The following RAB3GAP1 variants were observed in gnomAD, a reference collection of about 807,000 sequenced individuals.
The protein encoded by RAB3GAP1 is RAB3 GTPase activating protein catalytic subunit 1.
A neutral mutation model predicts 130.7 loss-of-function variants in RAB3GAP1; 86 were observed. The ratio of observed to expected loss-of-function variants is 0.66; its 90% confidence interval spans 0.55 to 0.79. The LOEUF (loss-of-function observed/expected upper bound fraction) is 0.79. RAB3GAP1 is among the 30% of genes least tolerant of loss of function. RAB3GAP1 has a pLI of 0.00. For synonymous variants in RAB3GAP1, 367 were observed against 401.7 expected, an observed-to-expected ratio of 0.91 and a Z score of 1.03; for missense variants, 1,029 against 1,169.4, an observed-to-expected ratio of 0.88 and a Z score of 1.75.
intron 17 of RAB3GAP1, among the ~76,000 whole-genome samples, chr2:135,142,885 TA>T (rs1691883627): frequency 6.6e-6 from 1 of 151,254 alleles, no homozygotes; most frequent in Non-Finnish European, 1.5e-5. Context: ...AGCTGGAGTT[TA>T]TTTTTTTTTT....
intron 3 of RAB3GAP1, among the ~76,000 whole-genome samples, chr2:135,081,986 AC>A (rs1242519825): frequency 6.6e-6 from 1 of 151,992 alleles, no homozygotes; most frequent in Non-Finnish European, 1.5e-5. Context: ...TACTAAAAAT[AC>A]AAAAATTAGC....
intron 5 of RAB3GAP1, among the ~76,000 whole-genome samples, chr2:135,102,073 A>G (rs1442581754): frequency 6.6e-6 from 1 of 152,258 alleles, no homozygotes; most frequent in Non-Finnish European, 1.5e-5. Flanking sequence ...AGAGGAATTA[A>G]GGGAGCATTA....
chr2:135,091,891 G>A (rs1344799062), intron 4 of RAB3GAP1, among the ~76,000 whole-genome samples: 5 of 152,168 alleles, frequency 3.3e-5, no homozygotes, highest in African/African-American at 4.8e-5. Context: ...CTTTGGAGCT[G>A]CCAGTCAAAT....
intron 4 of RAB3GAP1, among the ~76,000 whole-genome samples, 162 bp downstream of exon 4, chr2:135,091,292 T>C (rs1293022775): frequency 2.6e-5 from 4 of 152,294 alleles, no homozygotes; most frequent in African/African-American, 9.6e-5. Context: ...AATTACATTG[T>C]CATTCATTTT....
intron 10 of RAB3GAP1, 59 bp downstream of exon 10, chr2:135,126,308 C>G (rs905293458): frequency 2.3e-6 from 3 of 1,277,518 alleles, no homozygotes; most frequent in Admixed American, 1.9e-5. Context: ...GAATAACTCT[C>G]AAATTGCTAG....
intron 3 of RAB3GAP1, among the ~76,000 whole-genome samples, chr2:135,087,865 A>G (rs1690030835): frequency 6.6e-6 from 1 of 152,168 alleles, no homozygotes; most frequent in African/African-American, 2.4e-5. Context: ...TCTGGTTAGG[A>G]TCCTCAAAGG....
At position 135,081,351 on chromosome 2, in the gene RAB3GAP1, TATATATATATAC is replaced by T. The variant is rs1181640917; in HGVS notation, c.151-9645_151-9634del. 1.9e-4 allele frequency among the ~76,000 whole-genome samples: 18 copies of T among 94,636 alleles called. No individual in the cohort carries two copies. In the South Asian group the frequency reaches 5.7e-3, roughly 30 times the overall value. 62.1% of individuals were successfully genotyped at this position (94,636 alleles called of 152,430 possible). ...AAATATATATATATATATATATATA[TATATATATATAC>T]ACACACGTGTGTGTGTGTATATATA... On this transcript the variant is annotated intron_variant, in intron 3 of 23. Transcript: ENST00000264158.
In RAB3GAP1 at chr2:135,128,804, T is replaced by C. The variant is rs1691431443; in HGVS notation, c.974-1191T>C. On this transcript the variant is annotated intron_variant, in intron 11 of 23. Coordinates refer to ENST00000264158, the MANE Select transcript of RAB3GAP1 (RefSeq NM_012233.3). ...AGTATTTGTTAAGCATTCATTTATT[T>C]GTGTAAACATTGTAGCTGTTCAGAA... 2.6e-5 allele frequency among the ~76,000 whole-genome samples: 4 copies of C among 152,370 alleles called. No individual in the cohort carries two copies. In the South Asian group the frequency reaches 8.3e-4, roughly 32 times the overall value.
At chr2:135,112,815 G>GTCTC (rs377254626) in intron 5 of RAB3GAP1, among the ~76,000 whole-genome samples, 10 of 146,908 alleles carry the variant, frequency 6.8e-5, no homozygotes, top group African/African-American at 2.0e-4. Flanking sequence ...AACTGTCAAA[G>GTCTC]TCTCTCTCTC....
intron 3 of RAB3GAP1, among the ~76,000 whole-genome samples, chr2:135,086,661 CTTT>C (rs59270938): frequency 1.5e-5 from 1 of 65,068 alleles, no homozygotes; most frequent in South Asian, 7.1e-4. Context: ...TTCCCCTAAT[CTTT>C]TTTTTTTTTT....
chr2:135,075,017 A>G (rs1369276963), intron 3 of RAB3GAP1, among the ~76,000 whole-genome samples: 1 of 152,240 alleles, frequency 6.6e-6, no homozygotes, highest in Non-Finnish European at 1.5e-5. Flanking sequence ...CTTACTAATC[A>G]GGACTCCACA....
intron 17 of RAB3GAP1, among the ~76,000 whole-genome samples, chr2:135,137,983 G>T (rs773786900): frequency 4.6e-5 from 7 of 151,964 alleles, no homozygotes; most frequent in Admixed American, 1.3e-4. Context: ...ATGCCACCAT[G>T]CCTGGCTAAT....
chr2:135,150,310 A>G (rs1692138996), intron 17 of RAB3GAP1, 59 bp from the exon 18 acceptor site: 4 of 1,595,356 alleles, frequency 2.5e-6, no homozygotes, highest in Non-Finnish European at 3.4e-6. Flanking sequence ...TTCTATTTTT[A>G]TGGTACTTCT....
intron 11 of RAB3GAP1, among the ~76,000 whole-genome samples, chr2:135,126,946 G>A (rs1691366827): frequency 6.6e-6 from 1 of 151,944 alleles, no homozygotes; most frequent in Non-Finnish European, 1.5e-5. Flanking sequence ...GCATGTCTCG[G>A]CTCACTGCAA....
chr2:135,127,533 G>C (rs1017420890), intron 11 of RAB3GAP1, among the ~76,000 whole-genome samples: 1 of 151,598 alleles, frequency 6.6e-6, no homozygotes, highest in Non-Finnish European at 1.5e-5. Flanking sequence ...TAGTAGAGAC[G>C]GGGTTTCACC....
Position 135,168,627 on chromosome 2 carries a change from T to C in RAB3GAP1, c.2792T>C (p.Phe931Ser), listed in dbSNP as rs1490002814. Residue 931 changes from phenylalanine (F) to serine (S), a missense_variant, in exon 24 of 24, where the codon TTC becomes TCC. Phe to Ser is a radical substitution (Grantham distance 155, BLOSUM62 -2). This residue lies in a region of RAB3GAP1 where 146 missense variants were observed against 143.7 expected (regional missense o/e 1.02). Transcript: ENST00000264158. ...AGAAGGCAGAACTCCGTGTCAGACT[T>C]CCCACCCCCTGCTGGCCGGGAATTC... ...EERRQNSVSD[F>S]PPPAGREFIL... 1.9e-6 allele frequency: 3 copies of C among 1,614,042 alleles called. No individual in the cohort carries two copies. The African/African-American group carries it at 4.0e-5, about 22-fold the overall frequency.
rs200860381 is a variant in RAB3GAP1, at chr2:135,112,834, TCA to T, written c.363-284_363-283del. Among the ~76,000 whole-genome samples, 1,792 of 132,078 alleles carry T rather than the reference TCA, an allele frequency of 0.014. 12 individuals carry two copies. Among genetic ancestry groups the T allele is most frequent in the Middle Eastern group, 0.03 (8 of 268 alleles). 86.6% of individuals were successfully genotyped at this position (132,078 alleles called of 152,430 possible). A position where few individuals can be genotyped will look rare whatever the true frequency, so the allele number is the denominator to read the frequency against. On this transcript the variant is annotated intron_variant, in intron 5 of 23. Coordinates refer to ENST00000264158, the MANE Select transcript of RAB3GAP1 (RefSeq NM_012233.3). ...GTCAAAGTCTCTCTCTCTCTCTCTC[TCA>T]CACACACACACACACACACACACAC...
chr2:135,057,724 A>T (rs1213260159), intron 2 of RAB3GAP1, among the ~76,000 whole-genome samples: 1 of 152,164 alleles, frequency 6.6e-6, no homozygotes, highest in East Asian at 1.9e-4. Context: ...AATTTGTTTT[A>T]TTCGTTTTAT....
chr2:135,124,589 C>G (rs113052195), intron 9 of RAB3GAP1, among the ~76,000 whole-genome samples: 3 of 152,074 alleles, frequency 2.0e-5, no homozygotes, highest in African/African-American at 4.8e-5. Flanking sequence ...CACTTGAACC[C>G]GGCAGGCAGA....
Sources: gnomAD v4.1 joint callset for allele counts (sites outside exome capture counted in the v4.1 genomes callset) on GRCh38, gnomAD v4.1.1 for gene constraint, gnomAD v4.1.1 regional missense constraint, MANE v1.5 for transcripts, NCBI Gene and HGNC (gene_info 2026-07-23, HGNC 2026-07-21) for gene names.